TMEM233: variants seen among roughly 807,000 people sequenced by gnomAD.
TMEM233 encodes the protein transmembrane protein 233.
A neutral mutation model predicts 11.2 loss-of-function variants in TMEM233; 6 were observed. The ratio of observed to expected loss-of-function variants is 0.54; its 90% confidence interval spans 0.29 to 1.06. The LOEUF (loss-of-function observed/expected upper bound fraction) is 1.06. TMEM233 is among the 50% of genes least tolerant of loss of function. The pLI, the probability that TMEM233 is intolerant of heterozygous loss-of-function variation, is 0.08. For missense variants in TMEM233, 127 were observed against 144.7 expected, an observed-to-expected ratio of 0.88 and a Z score of 0.63; for synonymous variants, 59 against 55.8, an observed-to-expected ratio of 1.06 and a Z score of -0.26.
chr12:119,622,303 G>A (rs11064853), intron 1 of TMEM233, among the ~76,000 whole-genome samples: 2,794 of 152,312 alleles, frequency 0.018, 94 homozygotes, highest in African/African-American at 0.064. Flanking sequence ...ATTAGGGAAA[G>A]AGATTTACTA....
chr12:119,602,261 C>T (rs141606607), intron 1 of TMEM233, among the ~76,000 whole-genome samples: 36 of 152,310 alleles, frequency 2.4e-4, no homozygotes, highest in African/African-American at 8.7e-4. Context: ...TCATGTGTGT[C>T]TGTGAACTTG....
intron 1 of TMEM233, among the ~76,000 whole-genome samples, chr12:119,623,612 C>T (rs995138720): frequency 6.6e-6 from 1 of 151,182 alleles, no homozygotes; most frequent in Non-Finnish European, 1.5e-5. Flanking sequence ...CCCAGCTACT[C>T]AGGAGGCTGA....
chr12:119,594,720 C>T lies in TMEM233; in HGVS notation c.186+686C>T, dbSNP rs1455470681. Reference sequence around the variant, plus strand: ...ACTTCCTCTCCTTGCCTCCCTCCGGCGCCCCCTTTTTAACGCGCCCGAGGC... The same window carrying T: ...ACTTCCTCTCCTTGCCTCCCTCCGGTGCCCCCTTTTTAACGCGCCCGAGGC... On this transcript the variant is annotated intron_variant, in intron 1 of 2. Coordinates refer to ENST00000426426, the MANE Select transcript of TMEM233 (RefSeq NM_001136534.3). This position sits in a 1 kb window ranked among gnomAD's most constrained non-coding sequence, Gnocchi z 5.6. 2.0e-5 allele frequency among the ~76,000 whole-genome samples: 3 copies of T among 152,150 alleles called. No individual in the cohort carries two copies. Among genetic ancestry groups the T allele is most frequent in the African/African-American group, 4.8e-5 (2 of 41,454 alleles).
chr12:119,617,963 G>A (rs1218370611), intron 1 of TMEM233, among the ~76,000 whole-genome samples: 2 of 152,226 alleles, frequency 1.3e-5, no homozygotes, highest in Non-Finnish European at 2.9e-5. Flanking sequence ...TTTGAAGGCA[G>A]CCCCTCCCAT....
intron 1 of TMEM233, among the ~76,000 whole-genome samples, chr12:119,602,061 G>A (rs904347888): frequency 5.9e-5 from 9 of 152,184 alleles, no homozygotes; most frequent in African/African-American, 2.2e-4. Flanking sequence ...CCACAGCCAT[G>A]CCCCAAGTCT....
chr12:119,619,400 G>A lies in TMEM233; in HGVS notation c.187-10336G>A, dbSNP rs9739599. Among the ~76,000 whole-genome samples the A allele has an allele frequency of 5.2e-3, 796 of 152,210 alleles. 11 individuals are homozygous for A. Among genetic ancestry groups the A allele is most frequent in the African/African-American group, 0.018 (750 of 41,518 alleles). On this transcript the variant is annotated intron_variant, in intron 1 of 2. Transcript: ENST00000426426. ...TCATGTCTATAATACCAACAGTTTC[G>A]GAGGCCGAGGCAGGCAGATAATTTG... is the stretch of plus-strand genomic sequence containing the variant.
rs200849432 is a variant in TMEM233 at position 119,626,494 on chromosome 12, AAGGAGG to A, written c.187-3221_187-3216del. 2.5e-4 allele frequency among the ~76,000 whole-genome samples: 33 copies of A among 133,464 alleles called. 2 individuals carry two copies. The South Asian group carries it at 7.5e-3, about 30-fold the overall frequency. 87.6% of individuals were successfully genotyped at this position (133,464 alleles called of 152,430 possible). A position where few individuals can be genotyped will look rare whatever the true frequency, so the allele number is the denominator to read the frequency against. On this transcript the variant is annotated intron_variant, in intron 1 of 2. Coordinates refer to ENST00000426426, the MANE Select transcript of TMEM233 (RefSeq NM_001136534.3). ...CCGGAAAAAAAAAAAAAAGAAGAAA[AAGGAGG>A]AGGAGGAGGAGGAGGAGGAGAAGGG...
chr12:119,634,430 AGACC>A, intron 2 of TMEM233: 1 of 191,254 alleles, frequency 5.2e-6, no homozygotes, highest in Non-Finnish European at 9.6e-6. Flanking sequence ...CAACATAGCA[AGACC>A]CTGTTGCTCC....
intron 1 of TMEM233, among the ~76,000 whole-genome samples, chr12:119,620,404 AT>A (rs1254861232): frequency 2.0e-5 from 3 of 152,220 alleles, no homozygotes; most frequent in Non-Finnish European, 2.9e-5. Context: ...CAACAATTCC[AT>A]TCCTAGAAAT....
intron 1 of TMEM233, among the ~76,000 whole-genome samples, chr12:119,606,756 A>G (rs942995688): frequency 5.3e-5 from 8 of 152,254 alleles, no homozygotes; most frequent in African/African-American, 1.9e-4. Context: ...TAAATTATAA[A>G]ATGAGTTCCT....
the TMEM233 span, among the ~76,000 whole-genome samples, chr12:119,652,245 T>C: frequency 6.6e-6 from 1 of 152,238 alleles, no homozygotes; most frequent in East Asian, 1.9e-4. Context: ...ATCAGTCACA[T>C]TGTATGGATA....
At chr12:119,596,838 G>T (rs1954059175) in intron 1 of TMEM233, among the ~76,000 whole-genome samples, 1 of 152,134 alleles carries the variant, frequency 6.6e-6, no homozygotes, top group Admixed American at 6.5e-5. Flanking sequence ...TCTATAAAAT[G>T]GGAATGTGAA....
chr12:119,614,450 A>T (rs1954481277), intron 1 of TMEM233, among the ~76,000 whole-genome samples: 1 of 151,976 alleles, frequency 6.6e-6, no homozygotes, highest in South Asian at 2.1e-4. Context: ...AGAACAAAGA[A>T]AATGAATTTT....
At chr12:119,625,353 G>A (rs977436211) in intron 1 of TMEM233, among the ~76,000 whole-genome samples, 1 of 146,084 alleles carries the variant, frequency 6.8e-6, no homozygotes, top group Non-Finnish European at 1.5e-5. Flanking sequence ...GAGTCCTTCT[G>A]TACATAACTT....
intron 1 of TMEM233, among the ~76,000 whole-genome samples, chr12:119,624,426 G>A (rs1335115786): frequency 6.6e-6 from 1 of 152,026 alleles, no homozygotes; most frequent in African/African-American, 2.4e-5. Context: ...AACAGCTGAA[G>A]GGATAAACAA....
At chr12:119,634,233 A>T in intron 2 of TMEM233, 1 of 985,378 alleles carries the variant, frequency 1.0e-6, no homozygotes, top group Non-Finnish European at 1.2e-6. Flanking sequence ...GAGGGGCTGG[A>T]AAATCTGACA....
At chr12:119,602,312 T>C (rs1365802119) in intron 1 of TMEM233, among the ~76,000 whole-genome samples, 3 of 152,208 alleles carry the variant, frequency 2.0e-5, no homozygotes, top group Admixed American at 6.5e-5. Context: ...TCCAGAGAGC[T>C]TGACGCTGCC....
At chr12:119,624,642 T>G (rs1954712556) in intron 1 of TMEM233, among the ~76,000 whole-genome samples, 1 of 151,982 alleles carries the variant, frequency 6.6e-6, no homozygotes, top group South Asian at 2.1e-4. Flanking sequence ...ATAGTCAAAT[T>G]TATAGAGTCA....
At chr12:119,617,734 G>A (rs996767476) in intron 1 of TMEM233, among the ~76,000 whole-genome samples, 16 of 152,168 alleles carry the variant, frequency 1.1e-4, no homozygotes, top group African/African-American at 3.9e-4. Flanking sequence ...TCGGGAGGCT[G>A]AGGCAAGAGA....
Sources: allele counts gnomAD v4.1 joint callset (sites outside exome capture counted in the v4.1 genomes callset), GRCh38; gene constraint gnomAD v4.1.1; non-coding constraint Gnocchi (gnomAD v3.1); transcripts MANE v1.5; gene names NCBI Gene and HGNC (gene_info 2026-07-23, HGNC 2026-07-21).